Variants in JAKMIP1 observed in about 807,000 individuals in gnomAD.
JAKMIP1 encodes the protein janus kinase and microtubule interacting protein 1, also known as janus kinase and microtubule-interacting protein 1.
A neutral mutation model predicts 113.0 loss-of-function variants in JAKMIP1; 33 were observed. That is an observed-to-expected ratio of 0.29 (90% CI 0.22 to 0.39). The LOEUF (loss-of-function observed/expected upper bound fraction) is 0.39, where lower values mean the gene tolerates loss of function less well. Among genes scored for constraint, JAKMIP1 ranks in the 10% least tolerant of loss-of-function variants. JAKMIP1 has a pLI of 1.00. For synonymous variants in JAKMIP1, 480 were observed against 459.9 expected (o/e 1.04, Z -0.56); for missense variants, 813 against 1,080.5 (o/e 0.75, Z 3.47).
intron 1 of JAKMIP1, among the ~76,000 whole-genome samples, chr4:6,144,153 C>G (rs1422659534): frequency 6.6e-6 from 1 of 152,206 alleles, no homozygotes; most frequent in Non-Finnish European, 1.5e-5. Context: ...CAAATTGGTC[C>G]TTTAAAAGCC....
At position 6,093,511 on chromosome 4, in the gene JAKMIP1, G is replaced by A. The variant is rs111968416; in HGVS notation, c.625-7882C>T. 3.0e-3 allele frequency among the ~76,000 whole-genome samples: 453 copies of A among 152,194 alleles called. No homozygotes were observed. The highest frequency in any genetic ancestry group is 5.9e-3 in the Admixed American group (90 of 15,284). On this transcript the variant is annotated intron_variant, in intron 3 of 20. Coordinates refer to ENST00000409021, the MANE Select transcript of JAKMIP1 (RefSeq NM_001099433.2). This position sits in a 1 kb window ranked among gnomAD's most constrained non-coding sequence, Gnocchi z 4.6. Reference sequence around the variant, plus strand: ...CTATTAACATGCAGCAATTAGCAGCGAGTCCAGATCATGTGCTGCTTCCAA... The same window carrying A: ...CTATTAACATGCAGCAATTAGCAGCAAGTCCAGATCATGTGCTGCTTCCAA...
chr4:6,104,845 G>T lies in JAKMIP1; in HGVS notation c.624+628C>A, dbSNP rs559870715. On this transcript the variant is annotated intron_variant, in intron 3 of 20. Coordinates refer to ENST00000409021, the MANE Select transcript of JAKMIP1 (RefSeq NM_001099433.2). ...TGTGCAGCAAGCTGGCCTAGGTGGG[G>T]CTCCTCTGGTTTCCATTGTTTCATG... 6.3e-3 allele frequency among the ~76,000 whole-genome samples: 959 copies of T among 152,298 alleles called. 4 individuals carry two copies. Among genetic ancestry groups the T allele is most frequent in the Middle Eastern group, 0.017 (5 of 294 alleles).
intron 3 of JAKMIP1, among the ~76,000 whole-genome samples, chr4:6,092,765 T>C (rs1021879662): frequency 3.3e-5 from 5 of 152,140 alleles, no homozygotes; most frequent in African/African-American, 7.2e-5. Context: ...GCATGGGAGA[T>C]AGAAACAGAA....
In JAKMIP1 at chr4:6,139,095, C is replaced by CAT. The variant is rs1719708380; in HGVS notation, c.-147-26099_-147-26098insAT. Reference sequence around the variant, plus strand: ...ACACACACACACACATATACACACACACACACACACCAGCAGGTCAGCCCT... The same window carrying CAT: ...ACACACACACACACATATACACACACATACACACACACCAGCAGGTCAGCCCT... On this transcript the variant is annotated intron_variant, in intron 1 of 20. Coordinates refer to ENST00000409021, the MANE Select transcript of JAKMIP1 (RefSeq NM_001099433.2). This position sits in a 1 kb window ranked among gnomAD's most constrained non-coding sequence, Gnocchi z 5.2. Among the ~76,000 whole-genome samples, 7 of 150,638 alleles carry CAT rather than the reference C, an allele frequency of 4.6e-5. No individual in the cohort carries two copies. The highest frequency in any genetic ancestry group is 1.7e-4 in the African/African-American group (7 of 40,118).
chr4:6,161,617 A>T (rs577693432), intron 1 of JAKMIP1, among the ~76,000 whole-genome samples: 1 of 151,970 alleles, frequency 6.6e-6, no homozygotes, highest in East Asian at 1.9e-4. Flanking sequence ...GAAGGAAGGC[A>T]AGGAACCCAC....
intron 20 of JAKMIP1, among the ~76,000 whole-genome samples, chr4:6,027,659 G>A (rs1338759565): frequency 6.6e-6 from 1 of 152,164 alleles, no homozygotes; most frequent in Non-Finnish European, 1.5e-5. Flanking sequence ...GCCAGCTTCC[G>A]CAACTCCCTT....
intron 2 of JAKMIP1, among the ~76,000 whole-genome samples, chr4:6,107,456 C>T (rs1287658842): frequency 2.0e-5 from 3 of 152,176 alleles, no homozygotes; most frequent in Non-Finnish European, 4.4e-5. Context: ...CCAGATGTGG[C>T]TGTGAAGGTA....
chr4:6,169,124 AG>A (rs1345365719), intron 1 of JAKMIP1, among the ~76,000 whole-genome samples: 1 of 152,220 alleles, frequency 6.6e-6, no homozygotes, highest in Non-Finnish European at 1.5e-5. Context: ...CAGATTTTAT[AG>A]TACATGAATT....
rs1727362749 is a variant in JAKMIP1, at chr4:6,192,288, C to T, written c.-148+7965G>A. On this transcript the variant is annotated intron_variant, in intron 1 of 20. Transcript: ENST00000409021. This position sits in a 1 kb window ranked among gnomAD's most constrained non-coding sequence, Gnocchi z 5.0. Reference sequence around the variant, plus strand: ...AGTCCACAGGAGCCGCATTGCAGTGCTCAATAGCCCCTACCGGCGAGTGGC... The same window carrying T: ...AGTCCACAGGAGCCGCATTGCAGTGTTCAATAGCCCCTACCGGCGAGTGGC... 1.3e-5 allele frequency among the ~76,000 whole-genome samples: 2 copies of T among 152,148 alleles called. No homozygotes were observed. The highest frequency in any genetic ancestry group is 2.9e-5 in the Non-Finnish European group (2 of 68,030).
chr4:6,102,838 A>T (rs1713287172), intron 3 of JAKMIP1, among the ~76,000 whole-genome samples: 1 of 133,658 alleles, frequency 7.5e-6, no homozygotes, highest in Admixed American at 9.3e-5. Flanking sequence ...GGTTCACACC[A>T]TTCTCCTGCC....
intron 1 of JAKMIP1, among the ~76,000 whole-genome samples, chr4:6,132,647 T>TTA (rs1553848542): frequency 8.5e-6 from 1 of 118,000 alleles, no homozygotes; most frequent in African/African-American, 2.8e-5. Context: ...GCCTCAAAAA[T>TTA]AAAAAAAAAA....
intron 16 of JAKMIP1, among the ~76,000 whole-genome samples, chr4:6,047,850 C>T (rs562435913): frequency 4.5e-4 from 69 of 152,312 alleles, no homozygotes; most frequent in Admixed American, 9.8e-4. Context: ...ATTTCTAACA[C>T]ACCATAAACC....
chr4:6,138,290 C>T lies in JAKMIP1; in HGVS notation c.-147-25293G>A, dbSNP rs1247074317. On this transcript the variant is annotated intron_variant, in intron 1 of 20. Coordinates refer to ENST00000409021, the MANE Select transcript of JAKMIP1 (RefSeq NM_001099433.2). The surrounding 1 kb of genome is among the most constrained non-coding windows in gnomAD (Gnocchi z 6.0). ...TGAGACAGAGTCTCACTCTGTCACCCAGGCTGGAGTGCAGTGGTGCAATAT... is the reference window on the plus strand; with the variant it reads ...TGAGACAGAGTCTCACTCTGTCACCTAGGCTGGAGTGCAGTGGTGCAATAT... Among the ~76,000 whole-genome samples the T allele has an allele frequency of 6.6e-6, 1 of 152,106 alleles. No individual in the cohort carries two copies. Among genetic ancestry groups the T allele is most frequent in the African/African-American group, 2.4e-5 (1 of 41,396 alleles).
intron 1 of JAKMIP1, among the ~76,000 whole-genome samples, chr4:6,125,610 CACACACCATACAGAA>C (rs1717326739): frequency 2.3e-5 from 3 of 131,490 alleles, no homozygotes; most frequent in African/African-American, 9.1e-5. Flanking sequence ...CACACACACA[CACACACCATACAGAA>C]ACACACACAC....
At chr4:6,032,955 G>A (rs1056896701) in intron 19 of JAKMIP1, among the ~76,000 whole-genome samples, 14 of 152,226 alleles carry the variant, frequency 9.2e-5, no homozygotes, top group Non-Finnish European at 1.6e-4. Context: ...TGTCCCAGCA[G>A]ATGTCTCTGC....
chr4:6,053,892 C>A, intron 13 of JAKMIP1, 158 bp downstream of exon 13: 1 of 1,520,258 alleles, frequency 6.6e-7, no homozygotes, highest in Non-Finnish European at 8.8e-7. Flanking sequence ...TCTGAACATA[C>A]AGATTTAAAA....
At chr4:6,119,309 C>T (rs1236738295) in intron 1 of JAKMIP1, among the ~76,000 whole-genome samples, 2 of 151,614 alleles carry the variant, frequency 1.3e-5, no homozygotes, top group Non-Finnish European at 2.9e-5. Context: ...TTTGGGAGGC[C>T]GAGGCAGGTG....
chr4:6,191,487 C>A, intron 1 of JAKMIP1, among the ~76,000 whole-genome samples: 1 of 152,372 alleles, frequency 6.6e-6, no homozygotes, highest in East Asian at 1.9e-4. Flanking sequence ...GGACCCAGAT[C>A]CTCGCAGCGC....
At chr4:6,163,082 T>A (rs973166604) in intron 1 of JAKMIP1, among the ~76,000 whole-genome samples, 1 of 152,208 alleles carries the variant, frequency 6.6e-6, no homozygotes, top group Non-Finnish European at 1.5e-5. Flanking sequence ...CAGCCCAGGG[T>A]TCTGCAGAGT....
Sources: gnomAD v4.1 joint callset for allele counts (sites outside exome capture counted in the v4.1 genomes callset) on GRCh38, gnomAD v4.1.1 for gene constraint, Gnocchi (gnomAD v3.1) non-coding constraint, MANE v1.5 for transcripts, NCBI Gene and HGNC (gene_info 2026-07-23, HGNC 2026-07-21) for gene names.